PEX14: variants seen among roughly 807,000 people sequenced by gnomAD.
PEX14 encodes the protein peroxisomal biogenesis factor 14, also known as peroxisomal membrane protein PEX14.
Under a neutral mutation model 49.5 loss-of-function variants are expected in PEX14, and 15 were observed. The observed-to-expected ratio is 0.30, with a 90% confidence interval of 0.20 to 0.47. PEX14 has a LOEUF of 0.47. PEX14 is among the 20% of genes least tolerant of loss of function. PEX14 has a pLI of 1.00. For missense variants in PEX14, 398 were observed against 494.8 expected, an observed-to-expected ratio of 0.80 and a Z score of 1.86; for synonymous variants, 210 against 212.7, an observed-to-expected ratio of 0.99 and a Z score of 0.11.
intron 1 of PEX14, among the ~76,000 whole-genome samples, chr1:10,479,205 C>T (rs962016399): frequency 2.0e-5 from 3 of 151,904 alleles, no homozygotes; most frequent in Non-Finnish European, 4.4e-5. Flanking sequence ...AGGGAGACCT[C>T]GTTCCTACTG....
At chr1:10,586,332 G>A (rs1050422052) in intron 3 of PEX14, among the ~76,000 whole-genome samples, 3 of 152,164 alleles carry the variant, frequency 2.0e-5, no homozygotes, top group African/African-American at 7.2e-5. Context: ...TGCTGGGTGT[G>A]GGACAGCTAG....
At chr1:10,530,441 G>A (rs1638613801) in intron 2 of PEX14, among the ~76,000 whole-genome samples, 1 of 152,142 alleles carries the variant, frequency 6.6e-6, no homozygotes, top group Non-Finnish European at 1.5e-5. Flanking sequence ...CGCCTCCGCC[G>A]GCTCCGGCTA....
chr1:10,534,678 G>A (rs997272852), intron 2 of PEX14, among the ~76,000 whole-genome samples: 20 of 152,076 alleles, frequency 1.3e-4, no homozygotes, highest in African/African-American at 3.6e-4. Context: ...GGTTAGTACT[G>A]TCGGCAGCAT....
intron 3 of PEX14, among the ~76,000 whole-genome samples, chr1:10,569,403 C>T (rs1639906662): frequency 6.6e-6 from 1 of 152,190 alleles, no homozygotes; most frequent in African/African-American, 2.4e-5. Flanking sequence ...CATCAGGCAA[C>T]TTACTGTTTT....
Position 10,629,861 on chromosome 1 carries a change from T to C in PEX14, c.1008T>C (p.His336=), listed in dbSNP as rs770817636. Residue 336 remains histidine (H), a synonymous_variant, in exon 9 of 9, where the codon CAT becomes CAC. Coordinates refer to ENST00000356607, the MANE Select transcript of PEX14 (RefSeq NM_004565.3). This position sits in a 1 kb window ranked among gnomAD's most constrained non-coding sequence, Gnocchi z 8.5. The part of the protein sequence containing the change: ...EEDEEDDDVS[H]VDEEDCLGVQ... ...ATGAGGAGGATGATGATGTGAGCCA[T>C]GTGGACGAGGAGGACTGCCTGGGGG... is the stretch of plus-strand genomic sequence containing the variant. The C allele has an allele frequency of 9.3e-6, 15 of 1,611,412 alleles. No individual in the cohort carries two copies. In the Admixed American group the frequency reaches 1.3e-4, roughly 14 times the overall value.
At chr1:10,586,554 T>A (rs977762028) in intron 3 of PEX14, among the ~76,000 whole-genome samples, 7 of 152,112 alleles carry the variant, frequency 4.6e-5, no homozygotes, top group Non-Finnish European at 8.8e-5. Flanking sequence ...ATACAACAAT[T>A]TGAATGAACT....
At chr1:10,485,827 C>T (rs756396114) in intron 1 of PEX14, among the ~76,000 whole-genome samples, 7 of 149,636 alleles carry the variant, frequency 4.7e-5, no homozygotes, top group East Asian at 1.9e-4. Context: ...GTGATCTTGG[C>T]GCACTGCAAC....
At chr1:10,598,542 G>T (rs1347058760) in intron 3 of PEX14, among the ~76,000 whole-genome samples, 1 of 152,188 alleles carries the variant, frequency 6.6e-6, no homozygotes, top group Non-Finnish European at 1.5e-5. Context: ...TGTATGGTGT[G>T]GTTTAGAGTG....
At chr1:10,577,130 G>A (rs1310288885) in intron 3 of PEX14, among the ~76,000 whole-genome samples, 1 of 151,644 alleles carries the variant, frequency 6.6e-6, no homozygotes, top group Admixed American at 6.6e-5. Flanking sequence ...TTCTGAGGCC[G>A]AGCGCAGTGG....
intron 2 of PEX14, among the ~76,000 whole-genome samples, chr1:10,513,019 C>T (rs550275956): frequency 6.6e-6 from 1 of 152,190 alleles, no homozygotes; most frequent in Non-Finnish European, 1.5e-5. Context: ...TTATAAAAGG[C>T]CTTTGGTCTC....
chr1:10,513,419 C>T lies in PEX14; in HGVS notation c.84+18098C>T, dbSNP rs563495323. Among the ~76,000 whole-genome samples, 27 of 152,286 alleles carry T rather than the reference C, an allele frequency of 1.8e-4. No individual in the cohort carries two copies. The East Asian group carries it at 4.4e-3, about 25-fold the overall frequency. ...GTTCCCACCAAAGACCAGTGTGTTC[C>T]CCTGTTCCAGCCGACAGCTTGAACA... On this transcript the variant is annotated intron_variant, in intron 2 of 8. Transcript: ENST00000356607.
intron 4 of PEX14, among the ~76,000 whole-genome samples, chr1:10,615,898 T>G (rs1054885468): frequency 2.6e-5 from 4 of 152,144 alleles, no homozygotes; most frequent in Non-Finnish European, 5.9e-5. Context: ...CTAATGGCTG[T>G]TGGTGGTGGG....
intron 3 of PEX14, among the ~76,000 whole-genome samples, chr1:10,583,442 G>A (rs1352184077): frequency 7.0e-6 from 1 of 142,534 alleles, no homozygotes; most frequent in African/African-American, 2.6e-5. Context: ...GGCTGGTCTT[G>A]AACTCCTGTA....
intron 3 of PEX14, among the ~76,000 whole-genome samples, chr1:10,587,895 CT>C (rs762006360): frequency 0.4 from 21,751 of 54,354 alleles, 5,361 homozygotes; most frequent in East Asian, 0.48. Context: ...CACACATGTG[CT>C]TTTTTTTTTT....
Position 10,502,796 on chromosome 1 carries a change from C to CT in PEX14, c.84+7492dup, listed in dbSNP as rs34497048. On this transcript the variant is annotated intron_variant, in intron 2 of 8. Transcript: ENST00000356607. Reference sequence around the variant, plus strand: ...ATTGGGGAAATTCAATTTTCTTTTTCTTTTTTTTTTTTTTTTTAATGACAG... The same window carrying CT: ...ATTGGGGAAATTCAATTTTCTTTTTCTTTTTTTTTTTTTTTTTTAATGACAG... 4.4e-3 allele frequency among the ~76,000 whole-genome samples: 590 copies of CT among 132,952 alleles called. 2 individuals carry two copies. The highest frequency in any genetic ancestry group is 0.011 in the Middle Eastern group (3 of 264). 87.2% of individuals were successfully genotyped at this position (132,952 alleles called of 152,430 possible).
rs546120901 is a variant in PEX14 at position 10,550,862 on chromosome 1, G to A, written c.169+14565G>A. ...AATGACTACAGAGGTTACTTAGTTC[G>A]TCTATACCTTTTCATATACATTTCA... On this transcript the variant is annotated intron_variant, in intron 3 of 8. Transcript: ENST00000356607. Among the ~76,000 whole-genome samples, 29 of 152,274 alleles carry A rather than the reference G, an allele frequency of 1.9e-4. No homozygotes were observed. The East Asian group carries it at 2.3e-3, about 12-fold the overall frequency.
chr1:10,536,236 A>G lies in PEX14; in HGVS notation c.108A>G (p.Leu36=), dbSNP rs2124482116. The G allele has an allele frequency of 5.6e-6, 9 of 1,611,586 alleles. No homozygotes were observed. Among genetic ancestry groups the G allele is most frequent in the Non-Finnish European group, 7.6e-6 (9 of 1,177,696 alleles). ...EPLIATAVKF[L]QNSRVRQSPL... ...AGATTGCCACGGCAGTGAAGTTTCT[A>G]CAGAATTCCCGGGTCCGCCAGAGCC... Residue 36 remains leucine, a synonymous_variant, in exon 3 of 9, where the codon CTA becomes CTG. Transcript: ENST00000356607.
At chr1:10,619,348 G>A (rs1163129771) in intron 5 of PEX14, among the ~76,000 whole-genome samples, 3 of 143,458 alleles carry the variant, frequency 2.1e-5, no homozygotes, top group Non-Finnish European at 3.0e-5. Context: ...ATGGAGTCTC[G>A]CTCTGTCACC....
intron 1 of PEX14, among the ~76,000 whole-genome samples, chr1:10,477,524 T>C (rs1557801310): frequency 6.6e-6 from 1 of 152,204 alleles, no homozygotes; most frequent in Non-Finnish European, 1.5e-5. Context: ...CAGAGTAGGA[T>C]TGAAAGGATT....
Sources: allele counts gnomAD v4.1 joint callset (sites outside exome capture counted in the v4.1 genomes callset), GRCh38; gene constraint gnomAD v4.1.1; non-coding constraint Gnocchi (gnomAD v3.1); transcripts MANE v1.5; gene names NCBI Gene and HGNC (gene_info 2026-07-23, HGNC 2026-07-21).